The following ZNG1A variants were observed in gnomAD, a reference collection of about 807,000 sequenced individuals.
ZNG1A encodes Zn regulated GTPase metalloprotein activator 1A.
At chr9:139,415 G>C in the ZNG1A span, among the ~76,000 whole-genome samples, 1 of 148,598 alleles carries the variant, frequency 6.7e-6, no homozygotes, top group Non-Finnish European at 1.5e-5. Flanking sequence ...CAGTTATAAA[G>C]AGTGAAACAT....
At chr9:150,137 T>C in the ZNG1A span, 1 of 126,552 alleles carries the variant, frequency 7.9e-6, no homozygotes, top group African/African-American at 3.0e-5. Flanking sequence ...TTTTTTTTTT[T>C]TTTTTTTGAG....
the ZNG1A span, chr9:154,673 G>A: frequency 2.1e-6 from 3 of 1,461,826 alleles, no homozygotes; most frequent in South Asian, 3.4e-5. Context: ...ATACAACATG[G>A]ATCTGTAGGC....
the ZNG1A span, among the ~76,000 whole-genome samples, chr9:160,516 T>C: frequency 1.4e-4 from 21 of 151,798 alleles, no homozygotes; most frequent in Admixed American, 1.1e-3. Context: ...TGTAGGTATA[T>C]TGATTTAATA....
chr9:171,756 G>A, the ZNG1A span: 2 of 313,772 alleles, frequency 6.4e-6, no homozygotes, highest in South Asian at 3.5e-5. Context: ...TGGATGCCAA[G>A]GGACAACTGT....
At chr9:141,727 A>G in the ZNG1A span, among the ~76,000 whole-genome samples, 1 of 151,716 alleles carries the variant, frequency 6.6e-6, no homozygotes, top group Non-Finnish European at 1.5e-5. Flanking sequence ...AAATGCTCCA[A>G]TTAAAAGACA....
chr9:155,603 A>C, the ZNG1A span, among the ~76,000 whole-genome samples: 1 of 152,190 alleles, frequency 6.6e-6, no homozygotes, highest in Non-Finnish European at 1.5e-5. Context: ...TAAAACTGGA[A>C]ATTCTTTCAA....
the ZNG1A span, chr9:172,089 G>A: frequency 1.2e-6 from 2 of 1,611,058 alleles, no homozygotes; most frequent in Non-Finnish European, 1.7e-6. Flanking sequence ...ACCAGGGTCT[G>A]CTAATCCAGT....
chr9:141,817 C>T, the ZNG1A span, among the ~76,000 whole-genome samples: 1 of 152,188 alleles, frequency 6.6e-6, no homozygotes, highest in Non-Finnish European at 1.5e-5. Flanking sequence ...CAGAGACACA[C>T]ACAGGCTCAA....
the ZNG1A span, among the ~76,000 whole-genome samples, chr9:126,583 T>C: frequency 2.0e-5 from 3 of 152,170 alleles, no homozygotes; most frequent in South Asian, 6.2e-4. Flanking sequence ...TGAGCTTATT[T>C]GGATTTTCTC....
the ZNG1A span, chr9:147,460 C>G: frequency 8.5e-6 from 1 of 117,178 alleles, no homozygotes; most frequent in Non-Finnish European, 1.7e-5. Flanking sequence ...CTATCACATA[C>G]TCGTACTCGT....
chr9:169,642 T>G, the ZNG1A span, among the ~76,000 whole-genome samples: 2 of 148,624 alleles, frequency 1.3e-5, no homozygotes, highest in Non-Finnish European at 3.0e-5. Flanking sequence ...GAAATTGCGA[T>G]AGCCACCCCA....
chr9:123,989 T>C, the ZNG1A span, among the ~76,000 whole-genome samples: 1 of 152,060 alleles, frequency 6.6e-6, no homozygotes, highest in African/African-American at 2.4e-5. Context: ...TAAAAAAAAA[T>C]ACAAAAGAAA....
At chr9:151,392 C>T in the ZNG1A span, 1 of 974,750 alleles carries the variant, frequency 1.0e-6, no homozygotes, top group Non-Finnish European at 1.2e-6. Context: ...CTCAGAGCTC[C>T]TGGCTGCCTG....
At chr9:124,204 C>CT in the ZNG1A span, among the ~76,000 whole-genome samples, 1,231 of 149,864 alleles carry the variant, frequency 8.2e-3, 7 homozygotes, top group Non-Finnish European at 9.4e-3. Context: ...AACATTTCCT[C>CT]TAACAGGTCA....
the ZNG1A span, chr9:156,332 A>T: frequency 8.8e-7 from 1 of 1,132,632 alleles, no homozygotes; most frequent in South Asian, 1.6e-5. Context: ...CATTATAAAT[A>T]GATAGCAATA....
At chr9:127,894 A>G in the ZNG1A span, among the ~76,000 whole-genome samples, 2 of 152,234 alleles carry the variant, frequency 1.3e-5, no homozygotes, top group African/African-American at 2.4e-5. Flanking sequence ...GTGGCTTGGT[A>G]GTGGTGAATT....
the ZNG1A span, chr9:146,900 G>C: frequency 6.6e-6 from 1 of 152,188 alleles, no homozygotes; most frequent in South Asian, 2.1e-4. Flanking sequence ...GACAGGCCGG[G>C]CGCGGTGGCT....
the ZNG1A span, among the ~76,000 whole-genome samples, chr9:177,280 G>A: frequency 6.3e-4 from 96 of 152,170 alleles, 1 homozygote; most frequent in African/African-American, 2.2e-3. Context: ...AAGGTGTGAC[G>A]CAGTCGGATT....
At chr9:139,522 C>T in the ZNG1A span, among the ~76,000 whole-genome samples, 1 of 149,572 alleles carries the variant, frequency 6.7e-6, no homozygotes, top group African/African-American at 2.5e-5. Flanking sequence ...GTTAGATGTT[C>T]TTACTACAAT....
Sources: allele counts gnomAD v4.1 joint callset (sites outside exome capture counted in the v4.1 genomes callset), GRCh38; gene constraint gnomAD v4.1.1; transcripts MANE v1.5; gene names NCBI Gene and HGNC (gene_info 2026-07-23, HGNC 2026-07-21).